The following LINGO2 variants were observed in gnomAD, a reference collection of about 807,000 sequenced individuals.
LINGO2 encodes the protein leucine-rich repeat and immunoglobulin-like domain-containing nogo receptor-interacting protein 2.
A neutral mutation model predicts 30.6 loss-of-function variants in LINGO2; 14 were observed. The observed-to-expected ratio is 0.46, with a 90% CI of 0.30 to 0.72. The LOEUF (loss-of-function observed/expected upper bound fraction) is 0.72. Among genes scored for constraint, LINGO2 ranks in the 30% least tolerant of loss-of-function variants. The pLI is 0.07. For synonymous variants in LINGO2, 317 were observed against 288.5 expected (o/e 1.10, Z -1.00); for missense variants, 729 against 751.7 (o/e 0.97, Z 0.35).
chr9:28,281,282 C>T (rs1026412195), intron 4 of LINGO2, among the ~76,000 whole-genome samples: 1 of 151,868 alleles, frequency 6.6e-6, no homozygotes, highest in African/African-American at 2.4e-5. Context: ...GAAACTACTT[C>T]CAATATTTTA....
chr9:29,178,641 A>G, the LINGO2 span, among the ~76,000 whole-genome samples: 7 of 152,238 alleles, frequency 4.6e-5, no homozygotes, highest in East Asian at 1.4e-3. Context: ...TATACGAGAC[A>G]CTTTGGAAAC....
At chr9:28,445,227 C>A (rs1824375406) in intron 2 of LINGO2, among the ~76,000 whole-genome samples, 1 of 152,130 alleles carries the variant, frequency 6.6e-6, no homozygotes, top group South Asian at 2.1e-4. Context: ...AAGTCTGAAC[C>A]CTTGTCAATG....
chr9:28,407,439 G>A (rs1297663928), intron 2 of LINGO2, among the ~76,000 whole-genome samples: 1 of 152,056 alleles, frequency 6.6e-6, no homozygotes, highest in Non-Finnish European at 1.5e-5. Flanking sequence ...GGCCCTATTT[G>A]GAGGCAAATG....
At chr9:29,005,092 T>C in the LINGO2 span, among the ~76,000 whole-genome samples, 2 of 151,980 alleles carry the variant, frequency 1.3e-5, no homozygotes, top group Non-Finnish European at 2.9e-5. Context: ...TATCATAGAG[T>C]TATCATGATG....
At chr9:28,733,101 A>G in the LINGO2 span, among the ~76,000 whole-genome samples, 2 of 152,164 alleles carry the variant, frequency 1.3e-5, no homozygotes, top group Non-Finnish European at 1.5e-5. Flanking sequence ...ATTGCTTAAA[A>G]CAGGATGATA....
At chr9:29,171,665 G>A in the LINGO2 span, among the ~76,000 whole-genome samples, 1 of 151,726 alleles carries the variant, frequency 6.6e-6, no homozygotes, top group South Asian at 2.1e-4. Flanking sequence ...ATATCAAACA[G>A]GTATTCAATA....
chr9:29,079,767 C>A, the LINGO2 span, among the ~76,000 whole-genome samples: 1 of 149,780 alleles, frequency 6.7e-6, no homozygotes, highest in Non-Finnish European at 1.5e-5. Context: ...ACCAAAGACA[C>A]CCTGTAGTGC....
At chr9:28,524,995 G>T (rs1820963105) in intron 1 of LINGO2, among the ~76,000 whole-genome samples, 1 of 151,686 alleles carries the variant, frequency 6.6e-6, no homozygotes, top group African/African-American at 2.4e-5. Flanking sequence ...ACACTAAAAA[G>T]ATTAAACAAT....
At chr9:28,940,232 C>T in the LINGO2 span, among the ~76,000 whole-genome samples, 1 of 152,228 alleles carries the variant, frequency 6.6e-6, no homozygotes, top group African/African-American at 2.4e-5. Context: ...GTCTCTGTTG[C>T]TCTGTCAGGT....
the LINGO2 span, among the ~76,000 whole-genome samples, chr9:28,718,567 C>T: frequency 6.6e-6 from 1 of 151,918 alleles, no homozygotes; most frequent in Non-Finnish European, 1.5e-5. Flanking sequence ...CTCTGAAATC[C>T]CTGCTCTGAC....
At chr9:29,209,500 G>C in the LINGO2 span, among the ~76,000 whole-genome samples, 1 of 152,068 alleles carries the variant, frequency 6.6e-6, no homozygotes, top group Non-Finnish European at 1.5e-5. Flanking sequence ...AAAGGAAAAA[G>C]AGGGAAGAAG....
At chr9:28,846,825 A>G in the LINGO2 span, among the ~76,000 whole-genome samples, 2 of 147,750 alleles carry the variant, frequency 1.4e-5, no homozygotes, top group African/African-American at 5.1e-5. Flanking sequence ...ATCATTCTCA[A>G]TGGCTAACAA....
At chr9:29,054,157 T>A in the LINGO2 span, among the ~76,000 whole-genome samples, 2 of 152,112 alleles carry the variant, frequency 1.3e-5, no homozygotes, top group African/African-American at 4.8e-5. Flanking sequence ...ACCCCTTAGA[T>A]CTTTCATATT....
chr9:28,379,870 G>C (rs1481829483), intron 2 of LINGO2, among the ~76,000 whole-genome samples: 1 of 151,998 alleles, frequency 6.6e-6, no homozygotes, highest in African/African-American at 2.4e-5. Flanking sequence ...CATTCAAGTG[G>C]GGGCATGCAA....
chr9:28,678,106 T>A, the LINGO2 span, among the ~76,000 whole-genome samples: 1 of 151,484 alleles, frequency 6.6e-6, no homozygotes, highest in Admixed American at 6.6e-5. Flanking sequence ...TTGGATCATG[T>A]CTTTCCACAA....
the LINGO2 span, among the ~76,000 whole-genome samples, chr9:28,922,904 C>T: frequency 6.6e-6 from 1 of 152,066 alleles, no homozygotes; most frequent in Non-Finnish European, 1.5e-5. Context: ...TTGGACTATG[C>T]AGGTGGACCC....
chr9:28,327,027 G>A (rs1345286582), intron 3 of LINGO2, among the ~76,000 whole-genome samples: 1 of 152,040 alleles, frequency 6.6e-6, no homozygotes, highest in African/African-American at 2.4e-5. Flanking sequence ...ATTAAGAGGT[G>A]GCCATTTGGG....
At chr9:28,038,590 G>A (rs1824053599) in intron 4 of LINGO2, among the ~76,000 whole-genome samples, 1 of 151,866 alleles carries the variant, frequency 6.6e-6, no homozygotes, top group African/African-American at 2.4e-5. Context: ...CTACTTGGGA[G>A]GCTGAGGCAG....
chr9:28,381,205 A>G (rs1821341390), intron 2 of LINGO2, among the ~76,000 whole-genome samples: 1 of 152,070 alleles, frequency 6.6e-6, no homozygotes, highest in Admixed American at 6.6e-5. Flanking sequence ...ACAGAGCAAA[A>G]AAAACAAAAA....
Sources: allele counts gnomAD v4.1 joint callset (sites outside exome capture counted in the v4.1 genomes callset), GRCh38; gene constraint gnomAD v4.1.1; transcripts MANE v1.5; gene names NCBI Gene and HGNC (gene_info 2026-07-23, HGNC 2026-07-21).